The following KCNK2 variants were observed in gnomAD, a reference collection of about 807,000 sequenced individuals.
KCNK2 encodes the protein potassium two pore domain channel subfamily K member 2, also known as potassium channel subfamily K member 2.
In KCNK2, 21 loss-of-function variants were observed where a neutral mutation model predicts 40.5. The ratio of observed to expected loss-of-function variants is 0.52; its 90% CI spans 0.37 to 0.75. The LOEUF (loss-of-function observed/expected upper bound fraction) is 0.75, where lower values mean the gene tolerates loss of function less well. Among genes scored for constraint, KCNK2 ranks in the 30% least tolerant of loss-of-function variants. KCNK2 has a pLI of 0.00. For missense variants in KCNK2, 399 were observed against 531.6 expected, an observed-to-expected ratio of 0.75 and a Z score of 2.45; for synonymous variants, 191 against 202.2, an observed-to-expected ratio of 0.94 and a Z score of 0.47.
intron 2 of KCNK2, among the ~76,000 whole-genome samples, chr1:215,100,121 T>C (rs555194782): frequency 6.6e-6 from 1 of 151,998 alleles, no homozygotes; most frequent in Non-Finnish European, 1.5e-5. Flanking sequence ...GGGGTTAACT[T>C]AGAGGGCAGA....
intron 1 of KCNK2, among the ~76,000 whole-genome samples, chr1:215,020,015 C>T (rs1656735054): frequency 1.3e-5 from 2 of 151,854 alleles, no homozygotes; most frequent in African/African-American, 4.8e-5. Flanking sequence ...TTTATTTCAC[C>T]CTGAGTCATT....
intron 1 of KCNK2, among the ~76,000 whole-genome samples, chr1:215,008,242 A>G (rs1430398946): frequency 6.6e-6 from 1 of 152,050 alleles, no homozygotes; most frequent in Non-Finnish European, 1.5e-5. Flanking sequence ...AGATCCTCCC[A>G]CAAGCAGGAT....
chr1:215,129,909 A>G (rs1385613157), intron 3 of KCNK2, among the ~76,000 whole-genome samples: 4 of 152,202 alleles, frequency 2.6e-5, no homozygotes, highest in Admixed American at 1.3e-4. Context: ...ATACAAAAAT[A>G]TATTTGGTCT....
At chr1:215,028,483 G>C (rs1307733514) in intron 1 of KCNK2, among the ~76,000 whole-genome samples, 5 of 152,118 alleles carry the variant, frequency 3.3e-5, no homozygotes, top group African/African-American at 1.2e-4. Context: ...CAAGATGTTT[G>C]TACTTTTAAT....
intron 5 of KCNK2, among the ~76,000 whole-genome samples, chr1:215,178,421 T>C (rs1664078691): frequency 6.6e-6 from 1 of 152,218 alleles, no homozygotes; most frequent in Non-Finnish European, 1.5e-5. Context: ...AGAGTAGGCA[T>C]CCTTACCTTC....
chr1:215,027,040 T>C (rs1194643282), intron 1 of KCNK2, among the ~76,000 whole-genome samples: 1 of 152,076 alleles, frequency 6.6e-6, no homozygotes, highest in Non-Finnish European at 1.5e-5. Flanking sequence ...CTCCTCTTTC[T>C]TTTTCCAAGT....
At chr1:215,012,598 A>G in intron 1 of KCNK2, among the ~76,000 whole-genome samples, 1 of 150,258 alleles carries the variant, frequency 6.7e-6, no homozygotes, top group African/African-American at 2.4e-5. Context: ...CAGCCTGCCA[A>G]GTAGCTGGGA....
intron 2 of KCNK2, among the ~76,000 whole-genome samples, chr1:215,087,686 A>G (rs1457812052): frequency 6.6e-6 from 1 of 152,212 alleles, no homozygotes; most frequent in Non-Finnish European, 1.5e-5. Flanking sequence ...TCATCATCTG[A>G]GCATGTTCTT....
rs529090297 is a variant in KCNK2, at chr1:215,231,605, A to G, written c.964-3223A>G. ...AAGACACACAATGAATATGTGGTGGAGCCAGAATTCAAACTTAGAGGTTTA... is the reference window on the plus strand; with the variant it reads ...AAGACACACAATGAATATGTGGTGGGGCCAGAATTCAAACTTAGAGGTTTA... On this transcript the variant is annotated intron_variant, in intron 6 of 6. Coordinates refer to ENST00000444842, the MANE Select transcript of KCNK2 (RefSeq NM_001017425.3). Among the ~76,000 whole-genome samples the G allele has an allele frequency of 7.1e-3, 1,080 of 152,316 alleles. 22 individuals carry two copies. The highest frequency in any genetic ancestry group is 0.07 in the South Asian group (339 of 4,832).
At chr1:215,172,600 G>A (rs1427902193) in intron 5 of KCNK2, among the ~76,000 whole-genome samples, 2 of 152,222 alleles carry the variant, frequency 1.3e-5, no homozygotes, top group Middle Eastern at 3.4e-3. Context: ...TCCTACGCAA[G>A]TATAACATAA....
At chr1:215,042,838 T>C (rs1192401678) in intron 1 of KCNK2, among the ~76,000 whole-genome samples, 1 of 152,220 alleles carries the variant, frequency 6.6e-6, no homozygotes, top group Non-Finnish European at 1.5e-5. Flanking sequence ...CAAATACCTG[T>C]GTTTTAGCCT....
At chr1:215,163,237 G>A (rs1422477553) in intron 3 of KCNK2, among the ~76,000 whole-genome samples, 2 of 150,766 alleles carry the variant, frequency 1.3e-5, no homozygotes, top group Admixed American at 6.6e-5. Flanking sequence ...TCTATTATTG[G>A]TGTATGCTTG....
chr1:215,124,929 A>G (rs1661349924), intron 3 of KCNK2, among the ~76,000 whole-genome samples, 179 bp downstream of exon 3: 1 of 152,226 alleles, frequency 6.6e-6, no homozygotes, highest in Non-Finnish European at 1.5e-5. Context: ...ATGGAAATGA[A>G]TTAGTTATTT....
intron 3 of KCNK2, among the ~76,000 whole-genome samples, chr1:215,166,047 T>G (rs889675405): frequency 8.5e-5 from 13 of 152,286 alleles, no homozygotes; most frequent in Admixed American, 2.0e-4. Context: ...GGAATTTTTG[T>G]TAGATAATCG....
At chr1:215,134,953 C>T (rs1661836209) in intron 3 of KCNK2, among the ~76,000 whole-genome samples, 1 of 151,682 alleles carries the variant, frequency 6.6e-6, no homozygotes, top group Non-Finnish European at 1.5e-5. Context: ...TGAAATAAGT[C>T]ATATTCAGCC....
chr1:215,228,210 G>A (rs754688134), intron 6 of KCNK2, among the ~76,000 whole-genome samples: 18 of 152,150 alleles, frequency 1.2e-4, no homozygotes, highest in Non-Finnish European at 2.4e-4. Flanking sequence ...AAGGAGGAGG[G>A]TAAAGGAAAA....
chr1:215,017,840 T>C (rs1314414799), intron 1 of KCNK2, among the ~76,000 whole-genome samples: 1 of 152,152 alleles, frequency 6.6e-6, no homozygotes, highest in Non-Finnish European at 1.5e-5. Flanking sequence ...ATATGTATAA[T>C]TTTTACTTGT....
chr1:215,235,285 T>C lies in KCNK2; in HGVS notation c.*140T>C. ...TAGATACACCCATCATGGTCATCTA[T>C]CATCAAGAGAATTTGGAATTCTGAG... On this transcript the variant is annotated 3_prime_UTR_variant, in exon 7 of 7. Transcript: ENST00000444842. The C allele has an allele frequency of 1.5e-6, 1 of 646,696 alleles. No homozygotes were observed. Among genetic ancestry groups the C allele is most frequent in the Non-Finnish European group, 2.6e-6 (1 of 391,290 alleles). 40.1% of individuals were successfully genotyped at this position (646,696 alleles called of 1,614,324 possible).
intron 1 of KCNK2, among the ~76,000 whole-genome samples, chr1:215,018,995 AC>A (rs1419841990): frequency 1.8e-4 from 10 of 56,082 alleles, no homozygotes; most frequent in African/African-American, 3.6e-4. Flanking sequence ...ACACACACAC[AC>A]ACAAAAAAAA....
Sources: gnomAD v4.1 joint callset for allele counts (sites outside exome capture counted in the v4.1 genomes callset) on GRCh38, gnomAD v4.1.1 for gene constraint, MANE v1.5 for transcripts, NCBI Gene and HGNC (gene_info 2026-07-23, HGNC 2026-07-21) for gene names.